SYN1: variants seen among roughly 807,000 people sequenced by gnomAD.
SYN1 encodes synapsin-1.
A neutral mutation model predicts 44.6 loss-of-function variants in SYN1; 8 were observed. The observed-to-expected ratio is 0.18, with a 90% CI of 0.11 to 0.32. The LOEUF (loss-of-function observed/expected upper bound fraction) is 0.32, where lower values mean the gene tolerates loss of function less well. SYN1 is among the 10% of genes least tolerant of loss of function. SYN1 has a pLI of 1.00. For missense variants in SYN1, 451 were observed against 639.4 expected, an observed-to-expected ratio of 0.71 and a Z score of 3.18; for synonymous variants, 275 against 280.1, an observed-to-expected ratio of 0.98 and a Z score of 0.18.
chrX:47,617,531 AGAGG>A (rs969757862), intron 1 of SYN1, among the ~76,000 whole-genome samples: 2 of 111,011 alleles, frequency 1.8e-5, no homozygotes, highest in Admixed American at 1.9e-4. Context: ...TAAAGTTGGT[AGAGG>A]GAATCCTAGG....
chrX:47,573,784 G>T (rs1206821892), intron 12 of SYN1, among the ~76,000 whole-genome samples: 1 of 110,906 alleles, frequency 9.0e-6, no homozygotes, highest in Non-Finnish European at 1.9e-5. Context: ...AGTTTCTCTG[G>T]GATTCTGGCA....
Position 47,585,687 on chromosome X carries a change from C to T in SYN1, c.775-8186G>A, listed in dbSNP as rs375974345. 6 of 1,206,337 alleles carry T rather than the reference C, an allele frequency of 5.0e-6. No individual in the cohort carries two copies. In the African/African-American group the frequency reaches 7.0e-5, roughly 14 times the overall value. On this transcript the variant is annotated intron_variant, in intron 5 of 12. Coordinates refer to ENST00000295987, the MANE Select transcript of SYN1 (RefSeq NM_006950.3). ...TGCACAGTGAGTGCCTGGACCCTGA[C>T]CTCCAACGGGAGATCCTTCCCGGGG...
intron 5 of SYN1, among the ~76,000 whole-genome samples, chrX:47,602,718 A>G (rs905893163): frequency 8.9e-6 from 1 of 112,101 alleles, no homozygotes; most frequent in African/African-American, 3.2e-5. Flanking sequence ...GACGTATATC[A>G]GTGATCATAA....
intron 1 of SYN1, among the ~76,000 whole-genome samples, chrX:47,612,339 G>A (rs1219723514): frequency 1.8e-5 from 2 of 110,422 alleles, no homozygotes; most frequent in African/African-American, 6.6e-5. Flanking sequence ...GCTGGGTCCT[G>A]CTGGGCCCGC....
chrX:47,601,186 G>C (rs2057878650), intron 5 of SYN1, among the ~76,000 whole-genome samples: 1 of 111,790 alleles, frequency 8.9e-6, no homozygotes, highest in Non-Finnish European at 1.9e-5. Context: ...AGGAATGAAA[G>C]AGTGGACATA....
chrX:47,581,616 C>A (rs2057798606), intron 5 of SYN1, among the ~76,000 whole-genome samples: 3 of 111,973 alleles, frequency 2.7e-5, no homozygotes, highest in African/African-American at 9.7e-5. Context: ...CCGGCCATGC[C>A]CTGTGATCTT....
In SYN1 at chrX:47,576,114, C is replaced by A. The variant is rs769125543; in HGVS notation, c.1158+17G>T. 19 of 1,182,802 alleles carry A rather than the reference C, an allele frequency of 1.6e-5. No homozygotes were observed. In the Admixed American group the frequency reaches 4.3e-4, roughly 27 times the overall value. On this transcript the variant is annotated intron_variant, in intron 9 of 12. Transcript: ENST00000295987. ...TCTGTTCCTCCCTCTACCCCACCTA[C>A]CCCTGGGTGCTCATACCTCAATGAT...
intron 5 of SYN1, chrX:47,585,229 G>A (rs182947561): frequency 8.4e-7 from 1 of 1,197,529 alleles, no homozygotes; most frequent in East Asian, 3.0e-5. Flanking sequence ...CCAAGCCTTA[G>A]GGGATGCCGC....
chrX:47,611,418 C>A (rs754772860), intron 1 of SYN1, among the ~76,000 whole-genome samples: 2 of 111,776 alleles, frequency 1.8e-5, no homozygotes, highest in Admixed American at 1.9e-4. Context: ...GTTATACCTG[C>A]CATACTGGAC....
At chrX:47,614,408 A>G (rs1027468641) in intron 1 of SYN1, among the ~76,000 whole-genome samples, 2 of 111,310 alleles carry the variant, frequency 1.8e-5, no homozygotes, top group Non-Finnish European at 3.8e-5. Context: ...GTGCTAGCTG[A>G]GGGTGGGGGG....
In SYN1 at chrX:47,619,824, C is replaced by T. The variant is rs766446885; in HGVS notation, c.-96G>A. The T allele has an allele frequency of 1.4e-5, 13 of 926,034 alleles. No individual in the cohort carries two copies. The East Asian group carries it at 3.7e-4, about 26-fold the overall frequency. The allele number at this position is 926,034 out of a possible 1,213,427, so 76.3% of individuals were successfully genotyped here. ...CCAGGAGCACAGCTGCGCTCTCAGG[C>T]ACGACACGACTCCTCCGCTGCCCAC... On this transcript the variant is annotated 5_prime_UTR_variant, in exon 1 of 13. Transcript: ENST00000295987.
chrX:47,610,686 G>C (rs1199998242), intron 1 of SYN1, among the ~76,000 whole-genome samples: 1 of 110,306 alleles, frequency 9.1e-6, no homozygotes, highest in Non-Finnish European at 1.9e-5. Flanking sequence ...TGCTCTCCCA[G>C]GATACGGAAC....
intron 9 of SYN1, 71 bp downstream of exon 9, chrX:47,576,060 G>A: frequency 9.8e-7 from 1 of 1,022,519 alleles, no homozygotes; most frequent in Non-Finnish European, 1.3e-6. Context: ...GCCATGGAGT[G>A]CTTCAGTTTG....
chrX:47,594,729 CTT>C (rs369921621), intron 5 of SYN1, among the ~76,000 whole-genome samples: 2 of 93,968 alleles, frequency 2.1e-5, no homozygotes, highest in Admixed American at 1.2e-4. Context: ...CTTTTCTTTT[CTT>C]TTTTTTTTTT....
rs1456191168 is a variant in SYN1 at position 47,572,837 on chromosome X, G to A, written c.*27C>T. On this transcript the variant is annotated 3_prime_UTR_variant, in exon 13 of 13. Transcript: ENST00000295987. ...CAGGGCCCAGAGAAGGGTTGCCCAG[G>A]GATTTTGGGGTTCTCAGAGTGGGGT... 1 of 1,211,028 alleles carries A rather than the reference G, an allele frequency of 8.3e-7. No individual in the cohort carries two copies. The highest frequency in any genetic ancestry group is 1.1e-6 in the Non-Finnish European group (1 of 895,095).
Position 47,575,162 on chromosome X carries a change from C to T in SYN1, c.1271G>A (p.Arg424Gln), listed in dbSNP as rs909332243. ...MAQALPRQRQ[R>Q]DASPGRGSHG... ...GGAGCCCCTGCCAGGGGAGGCATCC[C>T]GCTGTCGCTGCCGGGGCAGGGCCTG... is the stretch of plus-strand genomic sequence containing the variant. The change falls in exon 10 of 13, where the codon CGG (arginine) becomes CAG (glutamine). Residue 424 changes from arginine to glutamine, a missense_variant. Arg to Gln is a conservative substitution (Grantham distance 43, BLOSUM62 1). Transcript: ENST00000295987. The T allele has an allele frequency of 6.7e-6, 8 of 1,191,737 alleles. No homozygotes were observed. Among genetic ancestry groups the T allele is most frequent in the African/African-American group, 1.7e-5 (1 of 57,385 alleles).
chrX:47,576,241 G>C lies in SYN1; in HGVS notation c.1056-8C>G. ...TCCACCCACAGCTTGTATCTGCCAA[G>C]ACAAAGGGTGGGGAAGCCTGTCAGT... On this transcript the variant is annotated splice_region_variant and splice_polypyrimidine_tract_variant and intron_variant, in intron 8 of 12. Transcript: ENST00000295987. The C allele has an allele frequency of 1.7e-6, 2 of 1,198,594 alleles. No homozygotes were observed. Among genetic ancestry groups the C allele is most frequent in the Non-Finnish European group, 2.2e-6 (2 of 889,587 alleles).
intron 5 of SYN1, among the ~76,000 whole-genome samples, chrX:47,595,905 T>A (rs2057862416): frequency 8.9e-6 from 1 of 112,411 alleles, no homozygotes; most frequent in Non-Finnish European, 1.9e-5. Context: ...AACAAACTTA[T>A]CAGAACTCTG....
intron 5 of SYN1, among the ~76,000 whole-genome samples, chrX:47,589,527 C>T (rs984725211): frequency 3.0e-5 from 3 of 99,295 alleles, no homozygotes; most frequent in African/African-American, 1.1e-4. Context: ...ACCTGGGAGG[C>T]GGAGCTTGCA....
Sources: allele counts gnomAD v4.1 joint callset (sites outside exome capture counted in the v4.1 genomes callset), GRCh38; gene constraint gnomAD v4.1.1; transcripts MANE v1.5; gene names NCBI Gene and HGNC (gene_info 2026-07-23, HGNC 2026-07-21).